RAD51B: variants seen among roughly 807,000 people sequenced by gnomAD.
RAD51B encodes the protein DNA repair protein RAD51 homolog 2.
RAD51B carries 38 observed loss-of-function variants against 42.2 expected under a neutral mutation model. The observed-to-expected ratio is 0.90, with a 90% CI of 0.70 to 1.18. RAD51B has a LOEUF of 1.18. Ranked by LOEUF, RAD51B falls within the 50% of genes most tolerant of loss-of-function variation. The pLI is 0.00. For synonymous variants in RAD51B, 154 were observed against 145.2 expected (o/e 1.06, Z -0.43); for missense variants, 373 against 400.7 (o/e 0.93, Z 0.59).
chr14:68,106,043 A>G (rs2077372782), intron 7 of RAD51B, among the ~76,000 whole-genome samples: 1 of 151,986 alleles, frequency 6.6e-6, no homozygotes, highest in Non-Finnish European at 1.5e-5. Flanking sequence ...TAATCTTTTT[A>G]GAAGATAAAA....
At chr14:68,564,193 G>A (rs1889303412) in intron 10 of RAD51B, among the ~76,000 whole-genome samples, 1 of 152,176 alleles carries the variant, frequency 6.6e-6, no homozygotes, top group African/African-American at 2.4e-5. Flanking sequence ...TTAAACCTCA[G>A]GGCCTACCAA....
chr14:68,211,041 GT>G (rs1473663420), intron 7 of RAD51B, among the ~76,000 whole-genome samples: 1 of 152,170 alleles, frequency 6.6e-6, no homozygotes, highest in Non-Finnish European at 1.5e-5. Flanking sequence ...CTTAGTGTCA[GT>G]TGTGTTCCCA....
At chr14:68,028,866 G>A (rs911295231) in intron 7 of RAD51B, among the ~76,000 whole-genome samples, 1 of 152,226 alleles carries the variant, frequency 6.6e-6, no homozygotes. Context: ...TGGGAGATGG[G>A]TGTCTATGGC....
Position 68,052,723 on chromosome 14 carries a change from C to T in RAD51B, c.756+165519C>T, listed in dbSNP as rs139585491. ...GCAACCTCTGCCTCCGAGGCTCCAG[C>T]GATCCTCCCACCTCAGCCTCCAGAG... is the stretch of plus-strand genomic sequence containing the variant. On this transcript the variant is annotated intron_variant, in intron 7 of 10. Coordinates refer to ENST00000471583, the MANE Select transcript of RAD51B (RefSeq NM_133510.4). Among the ~76,000 whole-genome samples, 376 of 151,840 alleles carry T rather than the reference C, an allele frequency of 2.5e-3. 1 individual carries two copies. The highest frequency in any genetic ancestry group is 8.2e-3 in the African/African-American group (341 of 41,430).
intron 7 of RAD51B, among the ~76,000 whole-genome samples, chr14:68,201,958 T>C (rs1001097029): frequency 7.9e-5 from 12 of 152,060 alleles, no homozygotes; most frequent in African/African-American, 2.9e-4. Flanking sequence ...CTTGGAGATA[T>C]TGAGGGATTG....
intron 7 of RAD51B, among the ~76,000 whole-genome samples, chr14:68,051,342 G>A (rs1247020288): frequency 2.6e-5 from 4 of 151,712 alleles, no homozygotes; most frequent in South Asian, 2.1e-4. Context: ...TTTCAACATC[G>A]GAATGTACTC....
chr14:68,682,604 G>GC (rs1056272720), intron 11 of RAD51B, among the ~76,000 whole-genome samples: 17 of 152,234 alleles, frequency 1.1e-4, no homozygotes, highest in Admixed American at 5.2e-4. Flanking sequence ...AAGGCCCAGA[G>GC]CCCCCTGGAA....
At chr14:68,370,300 G>A (rs575274280) in intron 8 of RAD51B, among the ~76,000 whole-genome samples, 42 of 152,254 alleles carry the variant, frequency 2.8e-4, no homozygotes, top group African/African-American at 9.6e-4. Context: ...TTACCAAAGG[G>A]CAACTGATCC....
At chr14:67,961,018 A>G (rs1270658049) in intron 7 of RAD51B, among the ~76,000 whole-genome samples, 1 of 151,860 alleles carries the variant, frequency 6.6e-6, no homozygotes, top group African/African-American at 2.4e-5. Flanking sequence ...TCATTCATTC[A>G]TTTATTCAAG....
At chr14:68,171,735 C>T (rs1267218910) in intron 7 of RAD51B, among the ~76,000 whole-genome samples, 1 of 151,768 alleles carries the variant, frequency 6.6e-6, no homozygotes, top group Non-Finnish European at 1.5e-5. Flanking sequence ...GTGACGGAGT[C>T]TCGCTCTGTC....
At chr14:68,229,405 T>C (rs1595577813) in intron 7 of RAD51B, among the ~76,000 whole-genome samples, 2 of 152,304 alleles carry the variant, frequency 1.3e-5, no homozygotes, top group South Asian at 4.1e-4. Flanking sequence ...AAGATGAGCC[T>C]CACATTGCAT....
At chr14:67,875,269 A>ACAAG (rs753715108) in intron 5 of RAD51B, among the ~76,000 whole-genome samples, 17 of 152,220 alleles carry the variant, frequency 1.1e-4, no homozygotes, top group Admixed American at 3.3e-4. Context: ...ATAACTTAGT[A>ACAAG]TACAAAGGAG....
At chr14:68,233,885 T>C (rs1595582870) in intron 7 of RAD51B, among the ~76,000 whole-genome samples, 4 of 152,234 alleles carry the variant, frequency 2.6e-5, no homozygotes, top group African/African-American at 9.6e-5. Context: ...TGAGGTAAGA[T>C]TGTGATGGGT....
chr14:67,998,057 A>G (rs796069739), intron 7 of RAD51B, among the ~76,000 whole-genome samples: 23 of 152,318 alleles, frequency 1.5e-4, no homozygotes, highest in African/African-American at 5.5e-4. Context: ...ACTCTAGGGC[A>G]GTGGCTCTCA....
chr14:68,185,791 C>T (rs2079145873), intron 7 of RAD51B, among the ~76,000 whole-genome samples: 1 of 152,140 alleles, frequency 6.6e-6, no homozygotes, highest in Non-Finnish European at 1.5e-5. Flanking sequence ...GATTCGTGTT[C>T]CTAAGAGAAT....
chr14:68,645,671 C>G (rs551793544), intron 10 of RAD51B, among the ~76,000 whole-genome samples: 1 of 152,180 alleles, frequency 6.6e-6, no homozygotes, highest in South Asian at 2.1e-4. Context: ...CTGTTTTTCT[C>G]CTTTTTTTAG....
intron 7 of RAD51B, among the ~76,000 whole-genome samples, chr14:68,023,337 G>T (rs1349815030): frequency 6.6e-6 from 1 of 151,934 alleles, no homozygotes; most frequent in Non-Finnish European, 1.5e-5. Context: ...TTATTTTTTG[G>T]TATGTCTTCT....
intron 10 of RAD51B, among the ~76,000 whole-genome samples, chr14:68,561,309 C>T (rs1364915469): frequency 1.3e-5 from 2 of 152,220 alleles, no homozygotes; most frequent in African/African-American, 4.8e-5. Context: ...CGGTTTCTAA[C>T]CCCACCACTC....
intron 8 of RAD51B, among the ~76,000 whole-genome samples, chr14:68,397,676 G>A (rs1480821325): frequency 2.0e-5 from 3 of 151,888 alleles, no homozygotes; most frequent in African/African-American, 7.3e-5. Context: ...CACCCCTCGT[G>A]TGTGTGTGTG....
Sources: allele counts gnomAD v4.1 joint callset (sites outside exome capture counted in the v4.1 genomes callset), GRCh38; gene constraint gnomAD v4.1.1; transcripts MANE v1.5; gene names NCBI Gene and HGNC (gene_info 2026-07-23, HGNC 2026-07-21).